KIF6: variants seen among roughly 807,000 people sequenced by gnomAD.
KIF6 encodes kinesin family member 6.
KIF6 carries 106 observed loss-of-function variants against 112.7 expected under a neutral mutation model. The observed-to-expected ratio is 0.94, with a 90% CI of 0.80 to 1.11. KIF6 has a LOEUF of 1.11. Among genes scored for constraint, KIF6 ranks in the 50% least tolerant of loss-of-function variants. KIF6 has a pLI of 0.00. For missense variants in KIF6, 929 were observed against 964.0 expected (o/e 0.96, Z 0.48); for synonymous variants, 339 against 339.9 (o/e 1.00, Z 0.03).
intron 13 of KIF6, among the ~76,000 whole-genome samples, chr6:39,457,962 T>C (rs985671400): frequency 2.0e-5 from 3 of 150,720 alleles, no homozygotes; most frequent in Admixed American, 6.6e-5. Flanking sequence ...ACTGGTACCA[T>C]TCCTTCTGAA....
chr6:39,615,035 G>A (rs971420538), intron 5 of KIF6, among the ~76,000 whole-genome samples: 6 of 152,100 alleles, frequency 3.9e-5, no homozygotes, highest in Non-Finnish European at 7.4e-5. Flanking sequence ...AGGGCTAGGT[G>A]CAGTGGCTCA....
intron 10 of KIF6, among the ~76,000 whole-genome samples, chr6:39,546,659 C>G (rs1468111435): frequency 2.6e-5 from 4 of 152,026 alleles, no homozygotes; most frequent in African/African-American, 9.7e-5. Context: ...AACCCCTTCT[C>G]TTCTAAAAAC....
intron 16 of KIF6, among the ~76,000 whole-genome samples, chr6:39,382,213 A>G (rs1332915812): frequency 1.3e-5 from 2 of 152,218 alleles, no homozygotes; most frequent in African/African-American, 2.4e-5. Flanking sequence ...CAGGTTTATT[A>G]CAAGGGTATA....
At chr6:39,512,552 A>G (rs1181464456) in intron 13 of KIF6, among the ~76,000 whole-genome samples, 1 of 152,166 alleles carries the variant, frequency 6.6e-6, no homozygotes, top group Non-Finnish European at 1.5e-5. Flanking sequence ...AATTCCCAGC[A>G]GTGAGCCTAG....
chr6:39,634,455 C>G (rs1053190385), intron 5 of KIF6, among the ~76,000 whole-genome samples: 1 of 152,122 alleles, frequency 6.6e-6, no homozygotes, highest in East Asian at 1.9e-4. Context: ...CTCAGATTCT[C>G]TTATTGCTGC....
At chr6:39,609,446 T>C (rs920420580) in intron 6 of KIF6, among the ~76,000 whole-genome samples, 1 of 151,948 alleles carries the variant, frequency 6.6e-6, no homozygotes, top group African/African-American at 2.4e-5. Flanking sequence ...AGAAATTATA[T>C]GCTAGACCAC....
At chr6:39,517,007 G>A (rs1247740816) in intron 13 of KIF6, among the ~76,000 whole-genome samples, 4 of 152,094 alleles carry the variant, frequency 2.6e-5, no homozygotes, top group Non-Finnish European at 4.4e-5. Context: ...TCCTTCCTCC[G>A]ACACTGTGGC....
In KIF6 at chr6:39,341,394, C is replaced by T. The variant is rs994018610; in HGVS notation, c.2428+2315G>A. 3.3e-5 allele frequency among the ~76,000 whole-genome samples: 5 copies of T among 152,132 alleles called. No homozygotes were observed. In the East Asian group the frequency reaches 5.8e-4, roughly 18 times the overall value. On this transcript the variant is annotated intron_variant, in intron 22 of 22. Transcript: ENST00000287152. The stretch of plus-strand genomic sequence containing the variant: ...TACCCACTTATCTGCTGTTCCTTTT[C>T]GCACCCTGGCAGTGCCTTCTCAGCA...
intron 10 of KIF6, among the ~76,000 whole-genome samples, chr6:39,555,189 TC>T (rs1475730644): frequency 6.6e-6 from 1 of 152,116 alleles, no homozygotes; most frequent in Non-Finnish European, 1.5e-5. Flanking sequence ...CCTCTCCTTT[TC>T]TGGGGCTTTC....
chr6:39,438,891 T>G (rs896793663), intron 13 of KIF6, among the ~76,000 whole-genome samples: 6 of 152,370 alleles, frequency 3.9e-5, no homozygotes, highest in South Asian at 4.1e-4. Flanking sequence ...TTATACTGCA[T>G]TGTTACTGTA....
chr6:39,457,961 AT>A (rs1478096813), intron 13 of KIF6, among the ~76,000 whole-genome samples: 1 of 150,788 alleles, frequency 6.6e-6, no homozygotes, highest in Non-Finnish European at 1.5e-5. Flanking sequence ...AACTGGTACC[AT>A]TCCTTCTGAA....
chr6:39,414,326 A>T (rs1197537746), intron 15 of KIF6, among the ~76,000 whole-genome samples: 3 of 152,160 alleles, frequency 2.0e-5, no homozygotes, highest in Non-Finnish European at 4.4e-5. Context: ...TTTTTGAAGC[A>T]TCAGTAAACC....
intron 13 of KIF6, among the ~76,000 whole-genome samples, chr6:39,438,162 TG>T (rs962302708): frequency 4.6e-5 from 7 of 152,020 alleles, no homozygotes; most frequent in Admixed American, 2.6e-4. Context: ...TTAGTAGAGA[TG>T]AGATTTCACC....
At chr6:39,375,142 A>C (rs954217366) in intron 16 of KIF6, among the ~76,000 whole-genome samples, 7 of 152,238 alleles carry the variant, frequency 4.6e-5, no homozygotes, top group Admixed American at 4.6e-4. Context: ...GATCTCACTT[A>C]TGTGAGAATC....
chr6:39,338,945 G>T (rs1763171103), intron 22 of KIF6, among the ~76,000 whole-genome samples: 1 of 152,054 alleles, frequency 6.6e-6, no homozygotes, highest in Non-Finnish European at 1.5e-5. Context: ...AGTAATGACA[G>T]GGGGTGGGTG....
intron 10 of KIF6, among the ~76,000 whole-genome samples, chr6:39,567,611 CTT>C (rs138061257): frequency 6.2e-5 from 9 of 144,944 alleles, no homozygotes; most frequent in Non-Finnish European, 7.6e-5. Context: ...GAAGTGATTT[CTT>C]TTTTTTTTTT....
chr6:39,406,411 GT>G (rs1221570766), intron 15 of KIF6, among the ~76,000 whole-genome samples: 21 of 152,258 alleles, frequency 1.4e-4, no homozygotes, highest in African/African-American at 5.1e-4. Flanking sequence ...CAAAGAACCA[GT>G]TTCGGTTTCA....
At chr6:39,421,243 T>C (rs1562199228) in intron 14 of KIF6, among the ~76,000 whole-genome samples, 1 of 151,994 alleles carries the variant, frequency 6.6e-6, no homozygotes, top group Non-Finnish European at 1.5e-5. Flanking sequence ...AAGGTGGGAG[T>C]GACCTGGGTT....
chr6:39,719,251 G>A (rs187670028), intron 2 of KIF6, among the ~76,000 whole-genome samples: 6 of 152,126 alleles, frequency 3.9e-5, no homozygotes, highest in South Asian at 2.1e-4. Flanking sequence ...CCCGGGAGGC[G>A]GAAGTTGTAG....
Sources: allele counts gnomAD v4.1 joint callset (sites outside exome capture counted in the v4.1 genomes callset), GRCh38; gene constraint gnomAD v4.1.1; transcripts MANE v1.5; gene names NCBI Gene and HGNC (gene_info 2026-07-23, HGNC 2026-07-21).